Variants in CEACAM1 observed in about 807,000 individuals in gnomAD.
CEACAM1 encodes cell adhesion molecule CEACAM1.
CEACAM1 carries 31 observed loss-of-function variants against 49.1 expected under a neutral mutation model. The ratio of observed to expected loss-of-function variants is 0.63; its 90% CI spans 0.47 to 0.85. The LOEUF (loss-of-function observed/expected upper bound fraction) is 0.85. Ranked by LOEUF, CEACAM1 falls within the 40% of genes least tolerant of loss-of-function variation. The probability of loss-of-function intolerance (pLI) is 0.00; values close to 1 mark genes in which losing one functional copy is unlikely to be tolerated. For synonymous variants in CEACAM1, 244 were observed against 247.8 expected (o/e 0.98, Z 0.14); for missense variants, 570 against 645.3 (o/e 0.88, Z 1.26).
Position 42,521,258 on chromosome 19 carries a change from ATTAC to A in CEACAM1, c.958+5_958+8del, listed in dbSNP as rs779826417. ...AGATCTTAGTGTTGATGCTCCAGGA[ATTAC>A]TTACCAGTGACTATGATCGTCTTGA... On this transcript the variant is annotated splice_donor_5th_base_variant and intron_variant, in intron 4 of 8. Transcript: ENST00000161559. The A allele has an allele frequency of 2.7e-5, 43 of 1,613,066 alleles. No individual in the cohort carries two copies. The highest frequency in any genetic ancestry group is 3.6e-5 in the Non-Finnish European group (43 of 1,179,186).
In CEACAM1 at chr19:42,512,449, G is replaced by A; in HGVS notation, c.1277C>T (p.Ser426Leu). The change falls in exon 6 of 9, where the codon TCA becomes TTA. Residue 426 changes from serine (S) to leucine (L), a missense_variant. Physicochemically the swap from Ser to Leu is moderately radical, Grantham distance 145. Transcript: ENST00000161559. ...CACAATGCCAGCAATGGCCCCAGGT[G>A]AGAGGCCATTTTCTTGTGGTAGAGC... ...YNALPQENGLSPGAIAGIVIG... is the reference protein window; with the variant it reads ...YNALPQENGLLPGAIAGIVIG... 2 of 1,613,798 alleles carry A rather than the reference G, an allele frequency of 1.2e-6. No homozygotes were observed. The highest frequency in any genetic ancestry group is 1.7e-6 in the Non-Finnish European group (2 of 1,179,640).
At chr19:42,515,530 C>T (rs1445493103) in intron 5 of CEACAM1, among the ~76,000 whole-genome samples, 2 of 151,806 alleles carry the variant, frequency 1.3e-5, no homozygotes, top group Non-Finnish European at 2.9e-5. Flanking sequence ...AAAAATTAGC[C>T]GGAGGTGGTA....
chr19:42,510,601 C>G (rs1489114143), intron 8 of CEACAM1, among the ~76,000 whole-genome samples: 1 of 152,042 alleles, frequency 6.6e-6, no homozygotes, highest in Non-Finnish European at 1.5e-5. Flanking sequence ...GGCAGAATGC[C>G]CATTTTACAG....
At chr19:42,509,369 G>T in intron 8 of CEACAM1, 141 bp from the exon 9 acceptor site, 1 of 890,318 alleles carries the variant, frequency 1.1e-6, no homozygotes, top group Non-Finnish European at 1.7e-6. Context: ...CCCATTCTCT[G>T]CTTGCTGACC....
chr19:42,527,650 C>T (rs1424315300), intron 1 of CEACAM1: 3 of 466,590 alleles, frequency 6.4e-6, no homozygotes, highest in Non-Finnish European at 1.1e-5. Context: ...ATGGCTCCCT[C>T]CCCACTGCCC....
intron 4 of CEACAM1, chr19:42,520,946 T>G: frequency 3.0e-6 from 1 of 329,058 alleles, no homozygotes; most frequent in East Asian, 5.5e-5. Context: ...GAAAGGGACA[T>G]GTTAGTGACA....
At chr19:42,522,427 AC>A (rs769348156) in intron 2 of CEACAM1, among the ~76,000 whole-genome samples, 1 of 151,900 alleles carries the variant, frequency 6.6e-6, no homozygotes, top group Non-Finnish European at 1.5e-5. Flanking sequence ...GGCACATGCC[AC>A]CATGCCTGAC....
chr19:42,514,605 A>G (rs771923639), intron 5 of CEACAM1, among the ~76,000 whole-genome samples: 5 of 152,056 alleles, frequency 3.3e-5, no homozygotes, highest in Admixed American at 6.6e-5. Context: ...TGTTGCAACT[A>G]TTTGGGGCTT....
At position 42,521,262 on chromosome 19, in the gene CEACAM1, C is replaced by T. The variant is rs2041738987; in HGVS notation, c.958+5G>A. ...CTTAGTGTTGATGCTCCAGGAATTA[C>T]TTACCAGTGACTATGATCGTCTTGA... On this transcript the variant is annotated splice_donor_5th_base_variant and intron_variant, in intron 4 of 8. Coordinates refer to ENST00000161559, the MANE Select transcript of CEACAM1 (RefSeq NM_001712.5). 6.2e-7 allele frequency: 1 copy of T among 1,613,556 alleles called. No homozygotes were observed. The highest frequency in any genetic ancestry group is 8.5e-7 in the Non-Finnish European group (1 of 1,179,492).
chr19:42,526,751 A>G (rs1013670948), intron 2 of CEACAM1, among the ~76,000 whole-genome samples: 6 of 152,126 alleles, frequency 3.9e-5, no homozygotes, highest in African/African-American at 2.4e-5. Flanking sequence ...TCTTAGGGAC[A>G]TGTTCACCAG....
At chr19:42,515,299 A>G (rs1568654004) in intron 5 of CEACAM1, among the ~76,000 whole-genome samples, 2 of 152,142 alleles carry the variant, frequency 1.3e-5, no homozygotes, top group African/African-American at 2.4e-5. Context: ...GTGCAATACT[A>G]TGGAGCAGGC....
intron 5 of CEACAM1, among the ~76,000 whole-genome samples, chr19:42,517,788 A>T (rs1463867093): frequency 1.3e-5 from 2 of 152,236 alleles, no homozygotes; most frequent in Non-Finnish European, 2.9e-5. Context: ...CTTCAAAATT[A>T]AACAGGATTA....
rs2041479046 is a variant in CEACAM1 at position 42,512,345 on chromosome 19, C to G, written c.1376+5G>C. On this transcript the variant is annotated splice_donor_5th_base_variant and intron_variant, in intron 6 of 8. Coordinates refer to ENST00000161559, the MANE Select transcript of CEACAM1 (RefSeq NM_001712.5). ...GAAACAGAACAAGAGGAAAGGCCAT[C>G]ATACCTGCCGGTCTTCCCGAAATGC... 6.2e-7 allele frequency: 1 copy of G among 1,613,972 alleles called. No individual in the cohort carries two copies. The highest frequency in any genetic ancestry group is 2.2e-5 in the East Asian group (1 of 44,880).
At chr19:42,515,437 G>A (rs1231199521) in intron 5 of CEACAM1, among the ~76,000 whole-genome samples, 1 of 152,190 alleles carries the variant, frequency 6.6e-6, no homozygotes, top group African/African-American at 2.4e-5. Context: ...AATTTGGGAG[G>A]CTGAGGCAGG....
intron 5 of CEACAM1, among the ~76,000 whole-genome samples, chr19:42,515,589 G>T (rs1387301176): frequency 6.6e-6 from 1 of 152,072 alleles, no homozygotes; most frequent in Non-Finnish European, 1.5e-5. Context: ...CAGGAGGATT[G>T]CTTGAACCCG....
chr19:42,519,373 G>GCTATCCCCTGGTT, intron 4 of CEACAM1, 138 bp from the exon 5 acceptor site: 1 of 775,878 alleles, frequency 1.3e-6, no homozygotes, highest in Non-Finnish European at 2.1e-6. Flanking sequence ...ACCAACCAGG[G>GCTATCCCCTGGTT]GATAGCCCTG....
intron 5 of CEACAM1, among the ~76,000 whole-genome samples, chr19:42,514,411 G>A (rs1161585046): frequency 1.3e-5 from 2 of 151,958 alleles, no homozygotes; most frequent in African/African-American, 2.4e-5. Context: ...GATTACAGGC[G>A]TGAGCCACCA....
intron 5 of CEACAM1, 153 bp downstream of exon 5, chr19:42,518,795 C>G (rs539125133): frequency 1.1e-6 from 1 of 895,582 alleles, no homozygotes; most frequent in Admixed American, 2.1e-5. Flanking sequence ...CCACTGTGCC[C>G]GGCCTGAGCT....
At chr19:42,518,896 T>C (rs759298156) in intron 5 of CEACAM1, 52 bp downstream of exon 5, 5 of 1,588,534 alleles carry the variant, frequency 3.1e-6, no homozygotes, top group East Asian at 2.2e-5. Context: ...TTGCACACCA[T>C]TGACAGAGTA....
Sources: allele counts gnomAD v4.1 joint callset (sites outside exome capture counted in the v4.1 genomes callset), GRCh38; gene constraint gnomAD v4.1.1; transcripts MANE v1.5; gene names NCBI Gene and HGNC (gene_info 2026-07-23, HGNC 2026-07-21).